Variants in SLAIN2 observed in about 807,000 individuals in gnomAD.
SLAIN2 encodes the protein SLAIN family member 2, also known as SLAIN motif-containing protein 2.
SLAIN2 carries 31 observed loss-of-function variants against 56.6 expected under a neutral mutation model. The ratio of observed to expected loss-of-function variants is 0.55; its 90% CI spans 0.41 to 0.74. The LOEUF (loss-of-function observed/expected upper bound fraction) is 0.74. Ranked by LOEUF, SLAIN2 falls within the 30% of genes least tolerant of loss-of-function variation. The probability of loss-of-function intolerance (pLI) is 0.00; values close to 1 mark genes in which losing one functional copy is unlikely to be tolerated. For missense variants in SLAIN2, 777 were observed against 754.2 expected, an observed-to-expected ratio of 1.03 and a Z score of -0.35; for synonymous variants, 317 against 284.9, an observed-to-expected ratio of 1.11 and a Z score of -1.13.
At position 48,364,063 on chromosome 4, in the gene SLAIN2, C is replaced by G. The variant is rs1281243172; in HGVS notation, c.390-5786C>G. ...ATGGGGTGGCTGCCGGGCGGAGAGG[C>G]TCCTCACTTCTCAGACGGGGCAGCT... On this transcript the variant is annotated intron_variant, in intron 1 of 7. Transcript: ENST00000264313. Among the ~76,000 whole-genome samples, 30 of 86,446 alleles carry G rather than the reference C, an allele frequency of 3.5e-4. 2 individuals carry two copies. In the East Asian group the frequency reaches 0.01, roughly 30 times the overall value. 56.7% of individuals were successfully genotyped at this position (86,446 alleles called of 152,430 possible).
chr4:48,391,887 G>A (rs1339738232), intron 6 of SLAIN2, among the ~76,000 whole-genome samples: 1 of 152,188 alleles, frequency 6.6e-6, no homozygotes, highest in Non-Finnish European at 1.5e-5. Flanking sequence ...GGTTTGTGGA[G>A]GAAGACATTA....
chr4:48,372,176 A>C (rs1205064719), intron 2 of SLAIN2, among the ~76,000 whole-genome samples: 1 of 152,102 alleles, frequency 6.6e-6, no homozygotes, highest in Admixed American at 6.6e-5. Flanking sequence ...TGTATTGAGA[A>C]TCTGCTATAA....
chr4:48,397,335 T>C (rs1716426790), intron 6 of SLAIN2, among the ~76,000 whole-genome samples: 1 of 152,078 alleles, frequency 6.6e-6, no homozygotes, highest in Non-Finnish European at 1.5e-5. Flanking sequence ...TTCTTGCCTC[T>C]TCTGTATTTA....
At position 48,379,729 on chromosome 4, in the gene SLAIN2, C is replaced by T; in HGVS notation, c.743C>T (p.Pro248Leu). 1 of 1,540,816 alleles carries T rather than the reference C, an allele frequency of 6.5e-7. No homozygotes were observed. The highest frequency in any genetic ancestry group is 2.1e-5 in the Admixed American group (1 of 47,168). The stretch of plus-strand genomic sequence containing the variant: ...TCAGACAGAAATCCTCCACTCAGTC[C>T]TCAGTCCTCTATAGATAGTGAGTTA... ...KSSDRNPPLSPQSSIDSELSA... is the reference protein window; with the variant it reads ...KSSDRNPPLSLQSSIDSELSA... Residue 248 changes from proline (P) to leucine (L), a missense_variant, in exon 4 of 8, where the codon CCT becomes CTT. Pro to Leu is a moderately conservative substitution (Grantham distance 98). Transcript: ENST00000264313.
chr4:48,413,065 C>CA (rs1000870441), intron 6 of SLAIN2, among the ~76,000 whole-genome samples: 57 of 148,962 alleles, frequency 3.8e-4, no homozygotes, highest in East Asian at 3.1e-3. Context: ...CCGTCTCTAC[C>CA]AAAAAAAAAC....
intron 1 of SLAIN2, among the ~76,000 whole-genome samples, chr4:48,367,982 T>C (rs1715565805): frequency 1.3e-5 from 2 of 151,416 alleles, no homozygotes; most frequent in Non-Finnish European, 2.9e-5. Context: ...CCATATGCTT[T>C]TCTAGACATT....
At chr4:48,378,354 T>C (rs1234149171) in intron 3 of SLAIN2, among the ~76,000 whole-genome samples, 1 of 152,234 alleles carries the variant, frequency 6.6e-6, no homozygotes, top group African/African-American at 2.4e-5. Context: ...AATAGATCCT[T>C]ATTGAACAGC....
intron 6 of SLAIN2, among the ~76,000 whole-genome samples, chr4:48,384,381 A>AT (rs1302794978): frequency 6.6e-6 from 1 of 152,042 alleles, no homozygotes; most frequent in East Asian, 1.9e-4. Flanking sequence ...TTTTGATTTG[A>AT]TTTTCTGTGT....
At chr4:48,400,731 T>G (rs1716528739) in intron 6 of SLAIN2, among the ~76,000 whole-genome samples, 1 of 152,086 alleles carries the variant, frequency 6.6e-6, no homozygotes, top group Non-Finnish European at 1.5e-5. Flanking sequence ...TAGGTAGTAG[T>G]CTATTTTATT....
Position 48,341,715 on chromosome 4 carries a change from AGGCGGCGGCGGC to A in SLAIN2, c.-19_-8del, listed in dbSNP as rs745600491. 1.8e-5 allele frequency: 27 copies of A among 1,521,580 alleles called. No homozygotes were observed. The highest frequency in any genetic ancestry group is 2.6e-5 in the East Asian group (1 of 37,808). The allele number at this position is 1,521,580 out of a possible 1,614,324, so 94.3% of individuals were successfully genotyped here. ...CGCTGCGAGAGCGAGCGGGCGGCGGAGGCGGCGGCGGCGGCGGGGCCGGGATGGAGGACGTTA... is the reference window on the plus strand; with the variant it reads ...CGCTGCGAGAGCGAGCGGGCGGCGGAGGCGGGGCCGGGATGGAGGACGTTA... On this transcript the variant is annotated 5_prime_UTR_variant, in exon 1 of 8. Coordinates refer to ENST00000264313, the MANE Select transcript of SLAIN2 (RefSeq NM_020846.2).
intron 6 of SLAIN2, among the ~76,000 whole-genome samples, chr4:48,396,331 A>C (rs7356468): frequency 0.91 from 139,053 of 152,172 alleles, 64,871 homozygotes; most frequent in East Asian, 1. Flanking sequence ...ACTTATTTAA[A>C]TTGATCCAGA....
In SLAIN2 at chr4:48,382,878, A is replaced by G. The variant is rs565815784; in HGVS notation, c.1173A>G (p.Ser391=). ...GCCGCTTACAGCAACCTCGCCTTTC[A>G]CTTCAAGGCCATCCCACAGATTTAC... ...MISRLQQPRL[S]LQGHPTDLQT... is the part of the protein sequence containing the mutation. The change falls in exon 5 of 8, where the codon TCA becomes TCG. Residue 391 remains serine, a synonymous_variant. Coordinates refer to ENST00000264313, the MANE Select transcript of SLAIN2 (RefSeq NM_020846.2). The G allele has an allele frequency of 6.2e-7, 1 of 1,613,324 alleles. No homozygotes were observed. Among genetic ancestry groups the G allele is most frequent in the African/African-American group, 1.3e-5 (1 of 75,008 alleles).
In SLAIN2 at chr4:48,420,149, C is replaced by G; in HGVS notation, c.1385C>G (p.Ser462Cys). ...SAIPSPGKFR[S>C]PAAPSPLALR... ...GTACCTTCTCCAGGCAAATTCCGTTCCCCTGCAGCACCATCTCCTTTGGCT... is the reference window on the plus strand; with the variant it reads ...GTACCTTCTCCAGGCAAATTCCGTTGCCCTGCAGCACCATCTCCTTTGGCT... Residue 462 changes from serine (S) to cysteine (C), a missense_variant, in exon 7 of 8, where the codon TCC becomes TGC. Physicochemically the swap from Ser to Cys is moderately radical, Grantham distance 112. Coordinates refer to ENST00000264313, the MANE Select transcript of SLAIN2 (RefSeq NM_020846.2). The G allele has an allele frequency of 6.2e-7, 1 of 1,613,878 alleles. No homozygotes were observed. Among genetic ancestry groups the G allele is most frequent in the Non-Finnish European group, 8.5e-7 (1 of 1,179,824 alleles).
At chr4:48,394,603 G>T (rs766653076) in intron 6 of SLAIN2, 1 of 1,535,710 alleles carries the variant, frequency 6.5e-7, no homozygotes, top group South Asian at 1.2e-5. Context: ...AATTTGCCTC[G>T]CACTTCCCTC....
Position 48,420,124 on chromosome 4 carries a change from G to A in SLAIN2, c.1361-1G>A, listed in dbSNP as rs1243603819. 4 of 1,613,322 alleles carry A rather than the reference G, an allele frequency of 2.5e-6. No individual in the cohort carries two copies. Among genetic ancestry groups the A allele is most frequent in the Non-Finnish European group, 3.4e-6 (4 of 1,179,416 alleles). On this transcript the variant is annotated splice_acceptor_variant, in intron 6 of 7. Transcript: ENST00000264313. LOFTEE classifies it high-confidence loss of function. ...ATTGGTTTTTCTTTGCCATCCCACA[G>A]TACCTTCTCCAGGCAAATTCCGTTC...
intron 6 of SLAIN2, among the ~76,000 whole-genome samples, chr4:48,389,655 A>G (rs1716185740): frequency 6.6e-6 from 1 of 152,314 alleles, no homozygotes; most frequent in South Asian, 2.1e-4. Context: ...GAGTTGCCCA[A>G]CAAAGAAAGG....
intron 6 of SLAIN2, among the ~76,000 whole-genome samples, chr4:48,406,080 G>A (rs1034776163): frequency 2.0e-5 from 3 of 152,072 alleles, no homozygotes; most frequent in Admixed American, 6.6e-5. Flanking sequence ...CTTTGATACC[G>A]TCTTGCTAAC....
At chr4:48,413,895 A>G (rs1191847138) in intron 6 of SLAIN2, among the ~76,000 whole-genome samples, 2 of 152,228 alleles carry the variant, frequency 1.3e-5, no homozygotes, top group Non-Finnish European at 2.9e-5. Context: ...TTCAGTGAAT[A>G]TCAAGTTAAA....
intron 6 of SLAIN2, among the ~76,000 whole-genome samples, chr4:48,416,317 A>C (rs1716992413): frequency 3.7e-5 from 2 of 53,980 alleles, no homozygotes. Context: ...ATTCTCTTTG[A>C]AGCAATTGTG....
Sources: gnomAD v4.1 joint callset for allele counts (sites outside exome capture counted in the v4.1 genomes callset) on GRCh38, gnomAD v4.1.1 for gene constraint, MANE v1.5 for transcripts, NCBI Gene and HGNC (gene_info 2026-07-23, HGNC 2026-07-21) for gene names.